Variants in BICRA observed in about 807,000 individuals in gnomAD.
BICRA encodes the protein BRD4-interacting chromatin-remodeling complex-associated protein.
Under a neutral mutation model 96.9 loss-of-function variants are expected in BICRA, and 31 were observed. That is an observed-to-expected ratio of 0.32 (90% CI 0.24 to 0.43). BICRA has a LOEUF of 0.43. Among genes scored for constraint, BICRA ranks in the 20% least tolerant of loss-of-function variants. BICRA has a pLI of 1.00. For synonymous variants in BICRA, 1,350 were observed against 1,071.8 expected, an observed-to-expected ratio of 1.26 and a Z score of -5.07; for missense variants, 2,283 against 2,190.3, an observed-to-expected ratio of 1.04 and a Z score of -0.84.
chr19:47,691,633 G>A (rs986730736), intron 7 of BICRA, among the ~76,000 whole-genome samples: 1 of 151,976 alleles, frequency 6.6e-6, no homozygotes, highest in Non-Finnish European at 1.5e-5. Context: ...GTACAATCTT[G>A]GCTCACTGTA....
At chr19:47,635,422 T>G (rs1007280363) in intron 1 of BICRA, among the ~76,000 whole-genome samples, 1 of 151,910 alleles carries the variant, frequency 6.6e-6, no homozygotes, top group Non-Finnish European at 1.5e-5. Flanking sequence ...TAATTTTTTT[T>G]TTTTACTTTT....
intron 1 of BICRA, among the ~76,000 whole-genome samples, chr19:47,654,582 C>T (rs375548343): frequency 6.6e-5 from 10 of 152,018 alleles, no homozygotes; most frequent in South Asian, 2.1e-4. Flanking sequence ...CCTGGTTTCA[C>T]GCCATTCTCC....
In BICRA at chr19:47,698,601, GCC is replaced by G; in HGVS notation, c.3249-32_3249-31del. On this transcript the variant is annotated intron_variant, in intron 11 of 14. Transcript: ENST00000594866. This position sits in a 1 kb window ranked among gnomAD's most constrained non-coding sequence, Gnocchi z 4.8. ...CCCTCACCCGTCCCCCCCACCCTCC[GCC>G]GTGTGTGGTCTCTCCCCTTTCCACC... The G allele has an allele frequency of 3.6e-5, 17 of 472,874 alleles. No individual in the cohort carries two copies. The highest frequency in any genetic ancestry group is 6.7e-5 in the Non-Finnish European group (16 of 240,464). 29.3% of individuals were successfully genotyped at this position (472,874 alleles called of 1,614,324 possible).
intron 1 of BICRA, among the ~76,000 whole-genome samples, chr19:47,652,130 GA>G (rs775334486): frequency 3.9e-5 from 6 of 152,154 alleles, no homozygotes; most frequent in Admixed American, 1.3e-4. Context: ...GAGTGATTAG[GA>G]AGGCTCATGC....
At chr19:47,628,203 G>C (rs1300042561) in intron 1 of BICRA, among the ~76,000 whole-genome samples, 1 of 152,192 alleles carries the variant, frequency 6.6e-6, no homozygotes, top group Non-Finnish European at 1.5e-5. Flanking sequence ...TCTTCGGTCT[G>C]TATGGGCTGG....
intron 7 of BICRA, among the ~76,000 whole-genome samples, chr19:47,693,366 C>T (rs897810023): frequency 6.6e-6 from 1 of 152,220 alleles, no homozygotes; most frequent in African/African-American, 2.4e-5. Context: ...CGTGCACACG[C>T]ATGCACGCTT....
chr19:47,685,766 TGTGTGTGTGTGTGTGTGTGTGC>T (rs962955842), intron 7 of BICRA, among the ~76,000 whole-genome samples: 2 of 132,268 alleles, frequency 1.5e-5, no homozygotes, highest in African/African-American at 3.1e-5. Context: ...TGTGTGTGTG[TGTGTGTGTGTGTGTGTGTGTGC>T]GCGCGCGCGC....
In BICRA at chr19:47,682,142, CG is replaced by C; in HGVS notation, c.2275del (p.Ala759ProfsTer10). ...CCCGACAGCCAGGCTTCCCCGGCTC[CG>C]GCCCCCCAGGTAGAGGGACCCCAGC... Reference protein sequence around the residue: ...QAPDSQASPAPAPQIPAAAPL... With the variant: ...QAPDSQASPAXAPQIPAAAPL... On this transcript the variant is annotated frameshift_variant, in exon 7 of 15. Transcript: ENST00000594866. LOFTEE classifies it high-confidence loss of function. 6.8e-7 allele frequency: 1 copy of C among 1,463,306 alleles called. No homozygotes were observed. Among genetic ancestry groups the C allele is most frequent in the South Asian group, 1.2e-5 (1 of 80,118 alleles). 90.6% of individuals were successfully genotyped at this position (1,463,306 alleles called of 1,614,324 possible).
Position 47,610,141 on chromosome 19 carries a change from G to A in BICRA, c.-108+973G>A, listed in dbSNP as rs558509098. On this transcript the variant is annotated intron_variant, in intron 1 of 14. Transcript: ENST00000594866. ...GTGAGCCCGGACGAGCTGGGCCTGC[G>A]GCCTCCCCGGGCCCCTGCGGAGGGC... is the stretch of plus-strand genomic sequence containing the variant. Among the ~76,000 whole-genome samples, 10 of 152,238 alleles carry A rather than the reference G, an allele frequency of 6.6e-5. No homozygotes were observed. The East Asian group carries it at 1.9e-3, about 30-fold the overall frequency.
At chr19:47,609,539 C>A (rs1476674950) in intron 1 of BICRA, among the ~76,000 whole-genome samples, 3 of 151,638 alleles carry the variant, frequency 2.0e-5, no homozygotes. Context: ...GCCCTCCCGC[C>A]GGCTGCCGGG....
chr19:47,626,807 C>T (rs1040529490), intron 1 of BICRA, among the ~76,000 whole-genome samples: 2 of 150,598 alleles, frequency 1.3e-5, no homozygotes, highest in Admixed American at 1.3e-4. Context: ...CTGCAACCTC[C>T]ACCTCCCGGG....
intron 1 of BICRA, among the ~76,000 whole-genome samples, chr19:47,648,149 C>A (rs1016818094): frequency 6.6e-6 from 1 of 151,994 alleles, no homozygotes; most frequent in Non-Finnish European, 1.5e-5. Flanking sequence ...TCGTTCCCTC[C>A]TTGCCTTCTG....
rs1280722920 is a variant in BICRA at position 47,682,143 on chromosome 19, G to A, written c.2274G>A (p.Pro758=). Residue 758 remains proline, a synonymous_variant, in exon 7 of 15, where the codon CCG becomes CCA. Coordinates refer to ENST00000594866, the MANE Select transcript of BICRA (RefSeq NM_001394372.1). ...CCGACAGCCAGGCTTCCCCGGCTCC[G>A]GCCCCCCAGGTAGAGGGACCCCAGC... The part of the protein sequence containing the change: ...QAPDSQASPA[P]APQIPAAAPL... 1.2e-5 allele frequency: 16 copies of A among 1,363,348 alleles called. No individual in the cohort carries two copies. The highest frequency in any genetic ancestry group is 1.5e-5 in the African/African-American group (1 of 65,114). The allele number at this position is 1,363,348 out of a possible 1,614,324, so 84.5% of individuals were successfully genotyped here. A position where few individuals can be genotyped will look rare whatever the true frequency, so the allele number is the denominator to read the frequency against.
At chr19:47,693,151 G>A (rs1228053834) in intron 7 of BICRA, among the ~76,000 whole-genome samples, 2 of 152,218 alleles carry the variant, frequency 1.3e-5, no homozygotes, top group Non-Finnish European at 2.9e-5. Context: ...CAAGTATCAC[G>A]GTGCCAGCCC....
Position 47,675,759 on chromosome 19 carries a change from T to C in BICRA, c.85-92T>C. 1 of 962,060 alleles carries C rather than the reference T, an allele frequency of 1.0e-6. No individual in the cohort carries two copies. The highest frequency in any genetic ancestry group is 1.6e-6 in the Non-Finnish European group (1 of 607,934). The allele number at this position is 962,060 out of a possible 1,614,324, so 59.6% of individuals were successfully genotyped here. A position where few individuals can be genotyped will look rare whatever the true frequency, so the allele number is the denominator to read the frequency against. ...CCTCTCCCATCCCAACCCTTGTCTTTTTGTCCTGAGTGACCCTAAATTGGT... is the reference window on the plus strand; with the variant it reads ...CCTCTCCCATCCCAACCCTTGTCTTCTTGTCCTGAGTGACCCTAAATTGGT... On this transcript the variant is annotated intron_variant, in intron 4 of 14. Transcript: ENST00000594866. The surrounding 1 kb of genome is among the most constrained non-coding windows in gnomAD (Gnocchi z 4.7).
Position 47,680,252 on chromosome 19 carries a change from C to T in BICRA, c.1082C>T (p.Pro361Leu). 1 of 1,561,828 alleles carries T rather than the reference C, an allele frequency of 6.4e-7. No individual in the cohort carries two copies. Among genetic ancestry groups the T allele is most frequent in the Non-Finnish European group, 8.6e-7 (1 of 1,162,958 alleles). ...IQPKPAGVLP[P>L]KLYQLTPKPF... ...CCCAAGCCCGCGGGGGTGCTGCCGC[C>T]CAAGCTCTACCAGCTGACGCCCAAG... Residue 361 changes from proline to leucine, a missense_variant, in exon 6 of 15, where the codon CCC becomes CTC. Pro to Leu is a moderately conservative substitution (Grantham distance 98, BLOSUM62 -3). Transcript: ENST00000594866.
Position 47,694,635 on chromosome 19 carries a change from C to A in BICRA, c.2804C>A (p.Pro935His). ...CACCTGGTCCCTGAGCCGGCAGCAC[C>A]CCCCCCACCGCCTCCTCGGACCTTC... Reference protein sequence around the residue: ...TLHLVPEPAAPPPPPPRTFQM... With the variant: ...TLHLVPEPAAHPPPPPRTFQM... Residue 935 changes from proline (P) to histidine (H), a missense_variant, in exon 8 of 15, where the codon CCC (proline) becomes CAC (histidine). Transcript: ENST00000594866. The A allele has an allele frequency of 6.4e-7, 1 of 1,566,466 alleles. No individual in the cohort carries two copies. The highest frequency in any genetic ancestry group is 8.8e-7 in the Non-Finnish European group (1 of 1,138,410).
In BICRA at chr19:47,694,312, C is replaced by A. The variant is rs762981490; in HGVS notation, c.2481C>A (p.Ala827=). The change falls in exon 8 of 15, where the codon GCC becomes GCA. Residue 827 remains alanine (A), a synonymous_variant. Transcript: ENST00000594866. ...PPLHPCPPPQ[A]PPTLPGIFVI... ...TGCACCCTTGCCCCCCACCCCAGGC[C>A]CCCCCAACTCTGCCTGGCATCTTTG... 68 of 1,018,988 alleles carry A rather than the reference C, an allele frequency of 6.7e-5. 2 individuals are homozygous for A. Among genetic ancestry groups the A allele is most frequent in the Non-Finnish European group, 1.0e-4 (68 of 680,344 alleles). 63.1% of individuals were successfully genotyped at this position (1,018,988 alleles called of 1,614,324 possible). A position where few individuals can be genotyped will look rare whatever the true frequency, so the allele number is the denominator to read the frequency against.
Position 47,675,780 on chromosome 19 carries a change from T to G in BICRA, c.85-71T>G. The G allele has an allele frequency of 8.6e-7, 1 of 1,161,794 alleles. No homozygotes were observed. 72.0% of individuals were successfully genotyped at this position (1,161,794 alleles called of 1,614,324 possible). A position where few individuals can be genotyped will look rare whatever the true frequency, so the allele number is the denominator to read the frequency against. On this transcript the variant is annotated intron_variant, in intron 4 of 14. Coordinates refer to ENST00000594866, the MANE Select transcript of BICRA (RefSeq NM_001394372.1). This position sits in a 1 kb window ranked among gnomAD's most constrained non-coding sequence, Gnocchi z 4.7. Reference sequence around the variant, plus strand: ...TCTTTTTGTCCTGAGTGACCCTAAATTGGTTTCTGCTCCAGAGCATGGGCC... The same window carrying G: ...TCTTTTTGTCCTGAGTGACCCTAAAGTGGTTTCTGCTCCAGAGCATGGGCC...
Sources: gnomAD v4.1 joint callset for allele counts (sites outside exome capture counted in the v4.1 genomes callset) on GRCh38, gnomAD v4.1.1 for gene constraint, Gnocchi (gnomAD v3.1) non-coding constraint, MANE v1.5 for transcripts, NCBI Gene and HGNC (gene_info 2026-07-23, HGNC 2026-07-21) for gene names.